OPCML: variants seen among roughly 807,000 people sequenced by gnomAD.
OPCML encodes opioid binding protein/cell adhesion molecule like.
Under a neutral mutation model 37.8 loss-of-function variants are expected in OPCML, and 13 were observed. The ratio of observed to expected loss-of-function variants is 0.34; its 90% CI spans 0.22 to 0.55. The LOEUF (loss-of-function observed/expected upper bound fraction) is 0.55. Ranked by LOEUF, OPCML falls within the 20% of genes least tolerant of loss-of-function variation. The probability of loss-of-function intolerance (pLI) is 0.91; values close to 1 mark genes in which losing one functional copy is unlikely to be tolerated. For synonymous variants in OPCML, 176 were observed against 168.8 expected, an observed-to-expected ratio of 1.04 and a Z score of -0.33; for missense variants, 341 against 435.6, an observed-to-expected ratio of 0.78 and a Z score of 1.93.
intron 4 of OPCML, among the ~76,000 whole-genome samples, chr11:132,489,206 G>C (rs1383343762): frequency 6.6e-6 from 1 of 151,844 alleles, no homozygotes; most frequent in African/African-American, 2.4e-5. Context: ...ACCTACACAG[G>C]GTCAGGATCA....
intron 1 of OPCML, among the ~76,000 whole-genome samples, chr11:133,140,847 CGACGACGAAGAA>C (rs1195951764): frequency 0.034 from 1,292 of 37,898 alleles, 338 homozygotes; most frequent in African/African-American, 0.038. Flanking sequence ...AAGACGACGA[CGACGACGAAGAA>C]GACGACGACG....
intron 1 of OPCML, among the ~76,000 whole-genome samples, chr11:133,315,061 A>C (rs1457611307): frequency 6.6e-6 from 1 of 152,148 alleles, no homozygotes; most frequent in African/African-American, 2.4e-5. Flanking sequence ...CTAACTAAAT[A>C]AGGTAAAATG....
chr11:132,571,621 A>G lies in OPCML; in HGVS notation c.380-42435T>C, dbSNP rs76166146. Among the ~76,000 whole-genome samples the G allele has an allele frequency of 8.2e-3, 1,249 of 152,276 alleles. 18 individuals are homozygous for G. The highest frequency in any genetic ancestry group is 0.028 in the African/African-American group (1,161 of 41,548). ...GCAGAGTTTCCTTTTTGTAACTCTGAGTACTATTCTATCATACACATACAC... is the reference window on the plus strand; with the variant it reads ...GCAGAGTTTCCTTTTTGTAACTCTGGGTACTATTCTATCATACACATACAC... On this transcript the variant is annotated intron_variant, in intron 3 of 7. Coordinates refer to ENST00000524381, the MANE Select transcript of OPCML (RefSeq NM_001012393.5).
At chr11:132,605,441 A>G (rs1219552730) in intron 3 of OPCML, among the ~76,000 whole-genome samples, 1 of 151,960 alleles carries the variant, frequency 6.6e-6, no homozygotes, top group African/African-American at 2.4e-5. Flanking sequence ...GCACGCACCT[A>G]TAGTCCCAGC....
intron 3 of OPCML, among the ~76,000 whole-genome samples, chr11:132,550,543 A>G (rs1385416434): frequency 6.6e-6 from 1 of 152,242 alleles, no homozygotes; most frequent in Admixed American, 6.5e-5. Context: ...TACTCCCTGC[A>G]CAGCCTGCAG....
chr11:133,362,404 G>T (rs1944443103), intron 1 of OPCML, among the ~76,000 whole-genome samples: 2 of 152,144 alleles, frequency 1.3e-5, no homozygotes, highest in Non-Finnish European at 2.9e-5. Flanking sequence ...CCCCTCGGAG[G>T]CTGCCTCCCC....
intron 4 of OPCML, among the ~76,000 whole-genome samples, chr11:132,484,661 A>G (rs1293869207): frequency 1.3e-5 from 2 of 152,168 alleles, no homozygotes; most frequent in African/African-American, 2.4e-5. Context: ...AAGACTTGGA[A>G]CCAAGCCAAA....
chr11:132,458,317 A>G (rs2096089376), intron 4 of OPCML, among the ~76,000 whole-genome samples: 2 of 152,156 alleles, frequency 1.3e-5, no homozygotes, highest in Non-Finnish European at 2.9e-5. Flanking sequence ...TATTCTACCC[A>G]CTTCCTCTGG....
chr11:133,512,759 A>G (rs1948187523), intron 1 of OPCML, among the ~76,000 whole-genome samples: 1 of 152,138 alleles, frequency 6.6e-6, no homozygotes, highest in African/African-American at 2.4e-5. Context: ...CTAGCCTATC[A>G]CTCAGGAAAT....
chr11:132,500,712 A>C (rs11223091), intron 4 of OPCML, among the ~76,000 whole-genome samples: 1 of 150,226 alleles, frequency 6.7e-6, no homozygotes, highest in Admixed American at 6.6e-5. Flanking sequence ...CTTGCCCCCC[A>C]CCCCCTGACA....
intron 1 of OPCML, among the ~76,000 whole-genome samples, chr11:133,381,223 G>A (rs1481006343): frequency 6.6e-6 from 1 of 152,228 alleles, no homozygotes; most frequent in African/African-American, 2.4e-5. Flanking sequence ...GCAAAAGAGA[G>A]GGTAGGAGCC....
intron 1 of OPCML, among the ~76,000 whole-genome samples, chr11:133,247,986 G>T (rs1178406615): frequency 6.6e-6 from 1 of 152,196 alleles, no homozygotes; most frequent in Non-Finnish European, 1.5e-5. Flanking sequence ...TGAGTGCCAG[G>T]TTGGGAATTG....
intron 1 of OPCML, chr11:133,005,016 T>C: frequency 1.0e-6 from 1 of 985,284 alleles, no homozygotes; most frequent in Non-Finnish European, 1.2e-6. Flanking sequence ...ATCCCTCCTT[T>C]CTCAGCATTG....
At chr11:132,737,215 G>A (rs550889548) in intron 2 of OPCML, among the ~76,000 whole-genome samples, 11 of 152,144 alleles carry the variant, frequency 7.2e-5, no homozygotes, top group South Asian at 4.1e-4. Context: ...AGTAGAAAGC[G>A]TAGTAAAATT....
At chr11:132,718,655 G>A (rs375804913) in intron 2 of OPCML, among the ~76,000 whole-genome samples, 1 of 152,242 alleles carries the variant, frequency 6.6e-6, no homozygotes, top group South Asian at 2.1e-4. Context: ...ACTGTGGATA[G>A]TGGACGTGTG....
rs904861331 is a variant in OPCML at position 132,754,703 on chromosome 11, G to C, written c.147-97384C>G. Among the ~76,000 whole-genome samples the C allele has an allele frequency of 2.0e-5, 3 of 152,234 alleles. No individual in the cohort carries two copies. The South Asian group carries it at 6.2e-4, about 32-fold the overall frequency. On this transcript the variant is annotated intron_variant, in intron 2 of 7. Coordinates refer to ENST00000524381, the MANE Select transcript of OPCML (RefSeq NM_001012393.5). ...CACAGAGTAAGTGACTAAGGGAGGGGCAGGCTCAGAAATGGCTTCAAAATT... is the reference window on the plus strand; with the variant it reads ...CACAGAGTAAGTGACTAAGGGAGGGCCAGGCTCAGAAATGGCTTCAAAATT...
intron 2 of OPCML, among the ~76,000 whole-genome samples, chr11:132,929,444 T>C (rs539040686): frequency 6.6e-6 from 1 of 152,134 alleles, no homozygotes; most frequent in South Asian, 2.1e-4. Context: ...CATGACCAGA[T>C]AGCATCACTG....
chr11:132,930,159 T>C (rs910848474), intron 2 of OPCML, among the ~76,000 whole-genome samples: 2 of 151,730 alleles, frequency 1.3e-5, no homozygotes, highest in Admixed American at 6.6e-5. Context: ...AGCCCAGGAG[T>C]TTGAGACCAG....
chr11:132,713,048 C>G (rs1944330402), intron 2 of OPCML, among the ~76,000 whole-genome samples: 1 of 152,092 alleles, frequency 6.6e-6, no homozygotes, highest in Admixed American at 6.5e-5. Context: ...TGCTTTTTCC[C>G]CCTCATAGAT....
Sources: gnomAD v4.1 joint callset for allele counts (sites outside exome capture counted in the v4.1 genomes callset) on GRCh38, gnomAD v4.1.1 for gene constraint, MANE v1.5 for transcripts, NCBI Gene and HGNC (gene_info 2026-07-23, HGNC 2026-07-21) for gene names.